ZNF529: variants seen among roughly 807,000 people sequenced by gnomAD.
ZNF529 encodes zinc finger protein 529.
ZNF529 carries 11 observed loss-of-function variants against 10.1 expected under a neutral mutation model. The observed-to-expected ratio is 1.09, with a 90% CI of 0.69 to 1.81. The LOEUF is 1.81. ZNF529 is among the 40% of genes most tolerant of loss of function. The pLI is 0.00. For missense variants in ZNF529, 624 were observed against 666.8 expected, an observed-to-expected ratio of 0.94 and a Z score of 0.71; for synonymous variants, 204 against 215.7, an observed-to-expected ratio of 0.95 and a Z score of 0.47.
intron 4 of ZNF529, among the ~76,000 whole-genome samples, chr19:36,550,947 C>G (rs1298147879): frequency 6.6e-6 from 1 of 152,158 alleles, no homozygotes; most frequent in African/African-American, 2.4e-5. Flanking sequence ...ATAAAATGTT[C>G]ACTCACTCCA....
rs912496159 is a variant in ZNF529, at chr19:36,587,785, A to G, written c.-41+1830T>C. Among the ~76,000 whole-genome samples the G allele has an allele frequency of 4.9e-4, 75 of 152,192 alleles. 2 individuals are homozygous for G. Among genetic ancestry groups the G allele is most frequent in the Non-Finnish European group, 1.0e-4 (7 of 68,030 alleles). ...TTACATACTGCATGACTCCATTTAT[A>G]TGAAATGTCCAGAACAGGAAAATCT... On this transcript the variant is annotated intron_variant, in intron 2 of 4. Transcript: ENST00000585960.
At position 36,598,689 on chromosome 19, in the gene ZNF529, C is replaced by T. The variant is rs79519597; in HGVS notation, c.-128+6437G>A. Reference sequence around the variant, plus strand: ...CAATAAAATTAGAAAAACAACAGCACCTTGTACCTCACAGAGTTGTCAGAA... The same window carrying T: ...CAATAAAATTAGAAAAACAACAGCATCTTGTACCTCACAGAGTTGTCAGAA... On this transcript the variant is annotated intron_variant, in intron 1 of 4. Transcript: ENST00000585960. Among the ~76,000 whole-genome samples the T allele has an allele frequency of 5.5e-3, 838 of 152,180 alleles. 23 individuals are homozygous for T. The highest frequency in any genetic ancestry group is 0.037 in the Admixed American group (569 of 15,260).
At chr19:36,604,604 T>TG (rs1555792316) in intron 1 of ZNF529, among the ~76,000 whole-genome samples, 1 of 152,112 alleles carries the variant, frequency 6.6e-6, no homozygotes, top group Non-Finnish European at 1.5e-5. Context: ...CTCAGAGTCT[T>TG]CACAGACACA....
At chr19:36,566,043 C>T (rs1376267670) in intron 2 of ZNF529, among the ~76,000 whole-genome samples, 1 of 152,256 alleles carries the variant, frequency 6.6e-6, no homozygotes, top group East Asian at 1.9e-4. Context: ...GCAGTAGTGT[C>T]TGGAATGTTT....
chr19:36,556,567 A>C (rs1054572840), intron 2 of ZNF529, among the ~76,000 whole-genome samples: 2 of 152,144 alleles, frequency 1.3e-5, no homozygotes, highest in Non-Finnish European at 2.9e-5. Context: ...CAAAACATGA[A>C]ATGTAGGCTT....
intron 1 of ZNF529, among the ~76,000 whole-genome samples, chr19:36,603,502 CAAAG>C (rs1471746279): frequency 2.0e-5 from 3 of 152,094 alleles, no homozygotes; most frequent in Non-Finnish European, 2.9e-5. Flanking sequence ...TTTCATAAAA[CAAAG>C]AAAAAAATCA....
At chr19:36,548,715 T>G (rs183357593) in intron 4 of ZNF529, among the ~76,000 whole-genome samples, 21 of 152,338 alleles carry the variant, frequency 1.4e-4, no homozygotes, top group Admixed American at 1.0e-3. Context: ...AATAACAAGG[T>G]GCAGTTTGTT....
intron 2 of ZNF529, among the ~76,000 whole-genome samples, chr19:36,558,746 C>A (rs1309342422): frequency 6.6e-6 from 1 of 151,796 alleles, no homozygotes; most frequent in East Asian, 1.9e-4. Context: ...AAATATAACA[C>A]CAAAAGCACC....
intron 2 of ZNF529, among the ~76,000 whole-genome samples, chr19:36,562,268 T>A (rs2145823824): frequency 6.6e-6 from 1 of 152,152 alleles, no homozygotes; most frequent in East Asian, 1.9e-4. Context: ...CATTGTAGCT[T>A]GGAAGCACGT....
chr19:36,549,588 G>A (rs975844116), intron 4 of ZNF529, among the ~76,000 whole-genome samples: 8 of 151,978 alleles, frequency 5.3e-5, no homozygotes, highest in Non-Finnish European at 1.0e-4. Context: ...TAAATATGGC[G>A]AACATTCATA....
upstream of ZNF529, among the ~76,000 whole-genome samples, chr19:36,576,712 G>A (rs548969631): frequency 1.7e-4 from 25 of 148,662 alleles, no homozygotes; most frequent in South Asian, 2.4e-3. Context: ...GCAAGACTCC[G>A]TCTCAAAATA....
intron 1 of ZNF529, among the ~76,000 whole-genome samples, chr19:36,595,716 G>C (rs1377877622): frequency 6.6e-6 from 1 of 152,070 alleles, no homozygotes; most frequent in Admixed American, 6.6e-5. Flanking sequence ...AAAAAACAAA[G>C]AGGGCAAGTA....
At chr19:36,558,387 A>G (rs1449739141) in intron 2 of ZNF529, among the ~76,000 whole-genome samples, 6 of 152,172 alleles carry the variant, frequency 3.9e-5, no homozygotes, top group Non-Finnish European at 1.5e-5. Context: ...TTATAAAAGC[A>G]CTGAAATCCA....
At chr19:36,583,634 C>T (rs1046236973) in intron 2 of ZNF529, among the ~76,000 whole-genome samples, 1 of 150,478 alleles carries the variant, frequency 6.6e-6, no homozygotes, top group Non-Finnish European at 1.5e-5. Context: ...CCTACAAGAA[C>T]TGCATATAAT....
chr19:36,554,717 A>G lies in ZNF529; in HGVS notation c.188T>C (p.Leu63Ser). 1 of 1,576,968 alleles carries G rather than the reference A, an allele frequency of 6.3e-7. No homozygotes were observed. The highest frequency in any genetic ancestry group is 8.6e-7 in the Non-Finnish European group (1 of 1,160,290). Residue 63 changes from leucine to serine, a missense_variant, in exon 4 of 5, where the codon TTG becomes TCG. Leu to Ser is a moderately radical substitution (Grantham distance 145, BLOSUM62 -2). Transcript: ENST00000591340. The part of the protein sequence containing the change: ...WEYLDSAQRN[L>S]YWDVMMENYS... ...GTTCTCCATCATCACATCCCAGTAC[A>G]AGTTCCTCTGAGCAGAATCCAGATA...
chr19:36,568,447 T>C (rs1190615211), intron 2 of ZNF529, among the ~76,000 whole-genome samples: 1 of 144,998 alleles, frequency 6.9e-6, no homozygotes, highest in East Asian at 2.0e-4. Context: ...ACTGAGGTAC[T>C]GGTTTCTGTT....
intron 1 of ZNF529, among the ~76,000 whole-genome samples, chr19:36,590,228 G>A (rs1600357896): frequency 6.6e-6 from 1 of 152,042 alleles, no homozygotes; most frequent in African/African-American, 2.4e-5. Flanking sequence ...TTAACAGGAT[G>A]TGGTGGTGTG....
intron 4 of ZNF529, among the ~76,000 whole-genome samples, chr19:36,552,318 T>G (rs980700130): frequency 6.6e-6 from 1 of 152,074 alleles, no homozygotes; most frequent in East Asian, 1.9e-4. Flanking sequence ...TAGTCCCAGC[T>G]ACTCGGGAGG....
chr19:36,589,026 C>T (rs2036646699), intron 2 of ZNF529, among the ~76,000 whole-genome samples: 2 of 151,084 alleles, frequency 1.3e-5, no homozygotes, highest in Non-Finnish European at 2.9e-5. Context: ...TCACTGTAAC[C>T]TTGAATTCAT....
Sources: gnomAD v4.1 joint callset for allele counts (sites outside exome capture counted in the v4.1 genomes callset) on GRCh38, gnomAD v4.1.1 for gene constraint, MANE v1.5 for transcripts, NCBI Gene and HGNC (gene_info 2026-07-23, HGNC 2026-07-21) for gene names.